PSMA3: variants seen among roughly 807,000 people sequenced by gnomAD.
PSMA3 encodes proteasome subunit alpha type-3.
PSMA3 carries 8 observed loss-of-function variants against 40.0 expected under a neutral mutation model. That is an observed-to-expected ratio of 0.20 (90% CI 0.12 to 0.36). The LOEUF is 0.36. Ranked by LOEUF, PSMA3 falls within the 10% of genes least tolerant of loss-of-function variation. PSMA3 has a pLI of 1.00. For missense variants in PSMA3, 219 were observed against 310.6 expected (o/e 0.70, Z 2.22); for synonymous variants, 110 against 100.0 (o/e 1.10, Z -0.59).
chr14:58,255,738 T>C (rs1890129101), intron 3 of PSMA3, among the ~76,000 whole-genome samples: 1 of 152,214 alleles, frequency 6.6e-6, no homozygotes, highest in African/African-American at 2.4e-5. Context: ...CACTGTGCTC[T>C]AGCCTGGGCA....
intron 7 of PSMA3, chr14:58,265,918 G>C (rs920042076): frequency 6.6e-6 from 1 of 152,038 alleles, no homozygotes; most frequent in East Asian, 1.9e-4. Flanking sequence ...CCTCCCCCAT[G>C]AACTATTTGG....
At chr14:58,267,278 A>G in intron 7 of PSMA3, 196 bp from the exon 8 acceptor site, 1 of 1,005,510 alleles carries the variant, frequency 9.9e-7, no homozygotes, top group Non-Finnish European at 1.2e-6. Flanking sequence ...CTGGGATTAC[A>G]GGCACAAGCC....
chr14:58,248,916 T>G (rs912292147), intron 2 of PSMA3, among the ~76,000 whole-genome samples: 1 of 151,996 alleles, frequency 6.6e-6, no homozygotes, highest in Non-Finnish European at 1.5e-5. Flanking sequence ...TGAGCCAAGA[T>G]TGCACCACTG....
intron 8 of PSMA3, 63 bp from the exon 9 acceptor site, chr14:58,270,355 G>C: frequency 6.3e-7 from 1 of 1,598,276 alleles, no homozygotes; most frequent in Non-Finnish European, 8.5e-7. Flanking sequence ...CTGACTTTGG[G>C]TCTGTGAACT....
At chr14:58,270,372 A>C (rs763000461) in intron 8 of PSMA3, 46 bp from the exon 9 acceptor site, 10 of 1,608,178 alleles carry the variant, frequency 6.2e-6, no homozygotes, top group Non-Finnish European at 8.5e-6. Context: ...AACTACTTCA[A>C]TGTTTGGAGG....
intron 7 of PSMA3, chr14:58,264,637 T>TA (rs1428703517): frequency 2.0e-5 from 3 of 152,208 alleles, no homozygotes; most frequent in African/African-American, 7.2e-5. Context: ...TCATTCAACT[T>TA]ATTTAAGACC....
intron 3 of PSMA3, among the ~76,000 whole-genome samples, chr14:58,256,155 A>G (rs976327392): frequency 1.3e-5 from 2 of 151,692 alleles, no homozygotes; most frequent in African/African-American, 2.4e-5. Context: ...TGCCCGGCCT[A>G]GTAACTGCAG....
At chr14:58,266,102 CTT>C (rs1298640841) in intron 7 of PSMA3, 4 of 152,104 alleles carry the variant, frequency 2.6e-5, no homozygotes, top group Admixed American at 2.0e-4. Context: ...AACTTTTAGT[CTT>C]TTTCTTCCCC....
intron 7 of PSMA3, among the ~76,000 whole-genome samples, chr14:58,264,317 C>T (rs758981306): frequency 2.6e-5 from 4 of 152,106 alleles, no homozygotes; most frequent in Non-Finnish European, 5.9e-5. Flanking sequence ...TGTGCTCCAC[C>T]GGTTCTCTTA....
rs554384934 is a variant in PSMA3, at chr14:58,259,818, C to A, written c.405-1130C>A. Among the ~76,000 whole-genome samples, 8 of 152,196 alleles carry A rather than the reference C, an allele frequency of 5.3e-5. No individual in the cohort carries two copies. The South Asian group carries it at 6.2e-4, about 12-fold the overall frequency. ...AAGCACAGGAACTGGTATGAAAATA[C>A]GTGCGCCAGAGAGAGTTAAGTATGC... On this transcript the variant is annotated intron_variant, in intron 5 of 10. Transcript: ENST00000216455.
intron 2 of PSMA3, among the ~76,000 whole-genome samples, chr14:58,249,957 G>A (rs1449590114): frequency 1.3e-5 from 2 of 152,150 alleles, no homozygotes; most frequent in African/African-American, 2.4e-5. Context: ...CGTGAGCCAC[G>A]CCTGTAATCC....
Position 58,257,855 on chromosome 14 carries a change from A to G in PSMA3, c.330+9A>G, listed in dbSNP as rs1890182519. Reference sequence around the variant, plus strand: ...ACAACATTCCACTAAAAGTAAGTTGATAACATATTGAGGAACCTTTTGGAC... The same window carrying G: ...ACAACATTCCACTAAAAGTAAGTTGGTAACATATTGAGGAACCTTTTGGAC... On this transcript the variant is annotated intron_variant, in intron 4 of 10. Coordinates refer to ENST00000216455, the MANE Select transcript of PSMA3 (RefSeq NM_002788.4). 1 of 1,612,676 alleles carries G rather than the reference A, an allele frequency of 6.2e-7. No homozygotes were observed. Among genetic ancestry groups the G allele is most frequent in the African/African-American group, 1.3e-5 (1 of 74,922 alleles).
intron 2 of PSMA3, among the ~76,000 whole-genome samples, chr14:58,248,383 C>A (rs1220492132): frequency 6.6e-6 from 1 of 152,108 alleles, no homozygotes; most frequent in East Asian, 1.9e-4. Flanking sequence ...GCATGTGCCA[C>A]CATGCCCGGA....
At chr14:58,266,043 T>C (rs763643226) in intron 7 of PSMA3, 1 of 151,726 alleles carries the variant, frequency 6.6e-6, no homozygotes, top group South Asian at 2.1e-4. Flanking sequence ...GTTTCTACAC[T>C]GTCTTTTTAA....
Position 58,252,981 on chromosome 14 carries a change from C to CT in PSMA3, c.228+755dup, listed in dbSNP as rs1231347254. On this transcript the variant is annotated intron_variant, in intron 3 of 10. Coordinates refer to ENST00000216455, the MANE Select transcript of PSMA3 (RefSeq NM_002788.4). Reference sequence around the variant, plus strand: ...GTGAAGGTTATATCAATGTCATTTTCTTTTTTTTTTTTTTTTGGTTTGAGA... The same window carrying CT: ...GTGAAGGTTATATCAATGTCATTTTCTTTTTTTTTTTTTTTTTGGTTTGAGA... 4.2e-3 allele frequency among the ~76,000 whole-genome samples: 553 copies of CT among 132,314 alleles called. 2 individuals carry two copies. The highest frequency in any genetic ancestry group is 9.0e-3 in the South Asian group (36 of 4,002). The allele number at this position is 132,314 out of a possible 152,430, so 86.8% of individuals were successfully genotyped here.
chr14:58,255,460 T>A (rs1346742425), intron 3 of PSMA3, among the ~76,000 whole-genome samples: 3 of 152,144 alleles, frequency 2.0e-5, no homozygotes, highest in African/African-American at 2.4e-5. Context: ...TGGACATTTT[T>A]CTCCAAACTT....
intron 10 of PSMA3, among the ~76,000 whole-genome samples, chr14:58,271,227 T>C (rs1008773033): frequency 3.8e-4 from 57 of 149,504 alleles, no homozygotes; most frequent in African/African-American, 1.4e-3. Context: ...TTCTAGGTTA[T>C]CTCTAGTGGG....
At position 58,263,750 on chromosome 14, in the gene PSMA3, A is replaced by G; in HGVS notation, c.523A>G (p.Thr175Ala). 6.2e-7 allele frequency: 1 copy of G among 1,613,890 alleles called. No homozygotes were observed. Among genetic ancestry groups the G allele is most frequent in the Non-Finnish European group, 8.5e-7 (1 of 1,179,930 alleles). ...CGGCAAAGCCAGGCAAGCTGCAAAGACGGAAATAGAGAAGCTTCAGGTAAT... is the reference window on the plus strand; with the variant it reads ...CGGCAAAGCCAGGCAAGCTGCAAAGGCGGAAATAGAGAAGCTTCAGGTAAT... ...AIGKARQAAKTEIEKLQMKEM... is the reference protein window; with the variant it reads ...AIGKARQAAKAEIEKLQMKEM... The change falls in exon 7 of 11, where the codon ACG becomes GCG. Residue 175 changes from threonine to alanine, a missense_variant. Coordinates refer to ENST00000216455, the MANE Select transcript of PSMA3 (RefSeq NM_002788.4).
chr14:58,247,664 T>A, intron 1 of PSMA3, 86 bp from the exon 2 acceptor site: 1 of 862,736 alleles, frequency 1.2e-6, no homozygotes, highest in Non-Finnish European at 1.9e-6. Context: ...AACAGGTTCC[T>A]GATGTTTCAG....
Sources: gnomAD v4.1 joint callset for allele counts (sites outside exome capture counted in the v4.1 genomes callset) on GRCh38, gnomAD v4.1.1 for gene constraint, MANE v1.5 for transcripts, NCBI Gene and HGNC (gene_info 2026-07-23, HGNC 2026-07-21) for gene names.